Variants in HEATR1 observed in about 807,000 individuals in gnomAD.
HEATR1 encodes the protein HEAT repeat-containing protein 1.
Under a neutral mutation model 248.2 loss-of-function variants are expected in HEATR1, and 77 were observed. The ratio of observed to expected loss-of-function variants is 0.31; its 90% CI spans 0.26 to 0.37. HEATR1 has a LOEUF of 0.37. Among genes scored for constraint, HEATR1 ranks in the 10% least tolerant of loss-of-function variants. HEATR1 has a pLI of 1.00. For synonymous variants in HEATR1, 897 were observed against 923.1 expected (o/e 0.97, Z 0.51); for missense variants, 2,420 against 2,504.9 (o/e 0.97, Z 0.72).
At chr1:236,593,028 C>T (rs1332313129) in intron 9 of HEATR1, among the ~76,000 whole-genome samples, 1 of 152,104 alleles carries the variant, frequency 6.6e-6, no homozygotes, top group African/African-American at 2.4e-5. Flanking sequence ...AACCTTGTCT[C>T]TACTAAATAT....
intron 2 of HEATR1, among the ~76,000 whole-genome samples, chr1:236,603,706 G>A (rs867214894): frequency 6.7e-6 from 1 of 148,724 alleles, no homozygotes. Flanking sequence ...TCTTCTCTTT[G>A]ACATATTAGT....
rs111571678 is a variant in HEATR1 at position 236,556,949 on chromosome 1, C to T, written c.5355+246G>A. Among the ~76,000 whole-genome samples the T allele has an allele frequency of 9.5e-3, 1,444 of 152,184 alleles. 27 individuals carry two copies. Among genetic ancestry groups the T allele is most frequent in the African/African-American group, 0.032 (1,317 of 41,508 alleles). ...AAGAAAAAAAAGCCAGAATACATTC[C>T]GCACAATTAAAGAAGAGAAGCATCT... On this transcript the variant is annotated intron_variant, in intron 37 of 44. Coordinates refer to ENST00000366582, the MANE Select transcript of HEATR1 (RefSeq NM_018072.6).
At chr1:236,582,068 A>G (rs181941913) in intron 19 of HEATR1, among the ~76,000 whole-genome samples, 39 of 152,164 alleles carry the variant, frequency 2.6e-4, no homozygotes, top group Admixed American at 2.0e-3. Context: ...TACATTATAA[A>G]CTGTCATAAC....
At chr1:236,595,760 T>C (rs2794750) in intron 7 of HEATR1, 73 bp downstream of exon 7, 1,006,164 of 1,498,364 alleles carry the variant, frequency 0.67, 343,559 homozygotes, top group East Asian at 0.7. Flanking sequence ...TCACTTATCT[T>C]ACAAAAAAAA....
rs1006220118 is a variant in HEATR1 at position 236,552,173 on chromosome 1, T to G, written c.6238-66A>C. 1.2e-5 allele frequency: 13 copies of G among 1,055,336 alleles called. No homozygotes were observed. The South Asian group carries it at 1.6e-4, about 13-fold the overall frequency. 65.4% of individuals were successfully genotyped at this position (1,055,336 alleles called of 1,614,324 possible). ...ACTGTATTTATTATCTTAAGAGCTGTACTGACTTGAGACAAGCTCTAACTT... is the reference window on the plus strand; with the variant it reads ...ACTGTATTTATTATCTTAAGAGCTGGACTGACTTGAGACAAGCTCTAACTT... On this transcript the variant is annotated intron_variant, in intron 43 of 44. Coordinates refer to ENST00000366582, the MANE Select transcript of HEATR1 (RefSeq NM_018072.6).
At chr1:236,571,766 A>G (rs1464691323) in intron 26 of HEATR1, 80 bp from the exon 27 acceptor site, 3 of 864,752 alleles carry the variant, frequency 3.5e-6, no homozygotes, top group Non-Finnish European at 5.4e-6. Context: ...CATTGTCCAG[A>G]ACTCATTCAA....
intron 4 of HEATR1, among the ~76,000 whole-genome samples, chr1:236,598,827 G>A (rs1311031057): frequency 6.6e-6 from 1 of 152,074 alleles, no homozygotes; most frequent in Non-Finnish European, 1.5e-5. Context: ...CCAACATGCA[G>A]TCAAGTTCCT....
Position 236,561,241 on chromosome 1 carries a change from T to G in HEATR1, c.4630A>C (p.Lys1544Gln). 1 of 1,610,500 alleles carries G rather than the reference T, an allele frequency of 6.2e-7. No individual in the cohort carries two copies. Among genetic ancestry groups the G allele is most frequent in the South Asian group, 1.1e-5 (1 of 90,988 alleles). ...VVESGGPEILKGLEERLLETV... is the reference protein window; with the variant it reads ...VVESGGPEILQGLEERLLETV... ...GAAACATACCTCTCTTCAAGGCCTT[T>G]TAAAATCTCAGGACCACCACTCTCA... Residue 1544 changes from lysine (K) to glutamine (Q), a missense_variant, in exon 33 of 45, where the codon AAA becomes CAA. By Grantham distance (53) the Lys-to-Gln change is moderately conservative. Transcript: ENST00000366582.
intron 19 of HEATR1, 27 bp downstream of exon 19, chr1:236,582,709 T>A (rs1210415206): frequency 6.2e-7 from 1 of 1,612,538 alleles, no homozygotes; most frequent in South Asian, 1.1e-5. Flanking sequence ...AAGGGTAGAG[T>A]ACGCCTGAAA....
At chr1:236,595,015 C>A (rs1295685863) in intron 8 of HEATR1, among the ~76,000 whole-genome samples, 4 of 152,068 alleles carry the variant, frequency 2.6e-5, no homozygotes, top group Non-Finnish European at 5.9e-5. Flanking sequence ...CTGCCCATCT[C>A]AGTTTCTCAA....
At chr1:236,558,610 T>C (rs1265921326) in intron 35 of HEATR1, 81 bp from the exon 36 acceptor site, 23 of 1,396,098 alleles carry the variant, frequency 1.6e-5, no homozygotes, top group Middle Eastern at 1.8e-4. Flanking sequence ...CAGCTTGAGA[T>C]TGTCTAAATG....
intron 11 of HEATR1, 34 bp downstream of exon 11, chr1:236,591,959 C>T: frequency 7.5e-7 from 1 of 1,339,412 alleles, no homozygotes; most frequent in South Asian, 1.2e-5. Flanking sequence ...AAATGTACCC[C>T]AAATTGTCAT....
chr1:236,566,757 A>G lies in HEATR1; in HGVS notation c.4197T>C (p.Leu1399=). The stretch of plus-strand genomic sequence containing the variant: ...CACCCAGTGTATCAACAAGTTGAAC[A>G]AGGATGGGCAGGCGCCTGTGCTCCG... ...HVPEHRRLPI[L]VQLVDTLGAE... Residue 1399 remains leucine (L), a synonymous_variant, in exon 30 of 45, where the codon CTT becomes CTC. Transcript: ENST00000366582. The G allele has an allele frequency of 1.2e-6, 2 of 1,614,170 alleles. No individual in the cohort carries two copies. The highest frequency in any genetic ancestry group is 1.3e-5 in the African/African-American group (1 of 75,056).
chr1:236,571,856 C>G (rs543597836), intron 26 of HEATR1, among the ~76,000 whole-genome samples, 170 bp from the exon 27 acceptor site: 26 of 152,288 alleles, frequency 1.7e-4, no homozygotes, highest in Admixed American at 5.2e-4. Context: ...AGATTTCTAA[C>G]TCTAATTTTC....
At chr1:236,588,184 C>G (rs986983354) in intron 12 of HEATR1, 141 bp from the exon 13 acceptor site, 13 of 531,618 alleles carry the variant, frequency 2.4e-5, no homozygotes, top group African/African-American at 1.8e-4. Flanking sequence ...AGGACTGAAA[C>G]ACACTAGAAC....
At position 236,572,440 on chromosome 1, in the gene HEATR1, C is replaced by T. The variant is rs748629446; in HGVS notation, c.3678G>A (p.Leu1226=). The T allele has an allele frequency of 5.6e-6, 9 of 1,613,964 alleles. No homozygotes were observed. The highest frequency in any genetic ancestry group is 5.9e-6 in the Non-Finnish European group (7 of 1,179,968). Reference sequence around the variant, plus strand: ...ATAGCAAGTTAAAAAGAGTTGGCACCAATATCTGAGGACTTCTGAGCTTCT... The same window carrying T: ...ATAGCAAGTTAAAAAGAGTTGGCACTAATATCTGAGGACTTCTGAGCTTCT... ...HKKKLRSPQI[L]VPTLFNLLSR... The change falls in exon 26 of 45, where the codon TTG becomes TTA. Residue 1226 remains leucine (L), a synonymous_variant. Coordinates refer to ENST00000366582, the MANE Select transcript of HEATR1 (RefSeq NM_018072.6).
At chr1:236,599,718 A>T (rs1355357486) in intron 3 of HEATR1, 94 bp from the exon 4 acceptor site, 4 of 1,180,516 alleles carry the variant, frequency 3.4e-6, no homozygotes, top group Non-Finnish European at 4.7e-6. Flanking sequence ...TAATAAGCTA[A>T]AACAACCTAG....
intron 19 of HEATR1, among the ~76,000 whole-genome samples, chr1:236,582,465 T>C (rs572280315): frequency 3.1e-4 from 47 of 150,840 alleles, no homozygotes; most frequent in African/African-American, 1.1e-3. Flanking sequence ...TACGGTGGTG[T>C]GATCTCGGCT....
Position 236,551,981 on chromosome 1 carries a change from G to A in HEATR1, c.6346+18C>T. ...TATTCCTTAATTGTTTAATGGTTGG[G>A]AATAGTTTGGGAATTACCTTCCATC... On this transcript the variant is annotated intron_variant, in intron 44 of 44. Coordinates refer to ENST00000366582, the MANE Select transcript of HEATR1 (RefSeq NM_018072.6). 6.9e-7 allele frequency: 1 copy of A among 1,449,024 alleles called. No homozygotes were observed. The highest frequency in any genetic ancestry group is 9.7e-7 in the Non-Finnish European group (1 of 1,032,060). 89.8% of individuals were successfully genotyped at this position (1,449,024 alleles called of 1,614,324 possible).
Sources: allele counts gnomAD v4.1 joint callset (sites outside exome capture counted in the v4.1 genomes callset), GRCh38; gene constraint gnomAD v4.1.1; transcripts MANE v1.5; gene names NCBI Gene and HGNC (gene_info 2026-07-23, HGNC 2026-07-21).